Variants in PDCD4 observed in about 807,000 individuals in gnomAD.
PDCD4 encodes programmed cell death 4, also known as programmed cell death protein 4.
A neutral mutation model predicts 54.0 loss-of-function variants in PDCD4; 56 were observed. The observed-to-expected ratio is 1.04, with a 90% CI of 0.84 to 1.30. The LOEUF (loss-of-function observed/expected upper bound fraction) is 1.30. Among genes scored for constraint, PDCD4 ranks in the 50% most tolerant of loss-of-function variants. PDCD4 has a pLI of 0.00. For missense variants in PDCD4, 584 were observed against 559.8 expected (o/e 1.04, Z -0.44); for synonymous variants, 186 against 194.8 (o/e 0.95, Z 0.37).
intron 7 of PDCD4, 78 bp from the exon 8 acceptor site, chr10:110,890,478 T>C: frequency 1.5e-6 from 1 of 661,672 alleles, no homozygotes; most frequent in Non-Finnish European, 2.5e-6. Context: ...CATATAGGAT[T>C]TTGTCAGCTT....
Position 110,899,852 on chromosome 10 carries a change from T to C in PDCD4, c.*1764T>C, listed in dbSNP as rs1845942196. On this transcript the variant is annotated 3_prime_UTR_variant, in exon 12 of 12. Transcript: ENST00000280154. ...TTTTGTCATTACTGGTGGGATCTGG[T>C]CACACAAGATAGCATTAAACGTGAC... The C allele has an allele frequency of 6.6e-6, 1 of 152,056 alleles. No individual in the cohort carries two copies. The highest frequency in any genetic ancestry group is 2.1e-4 in the South Asian group (1 of 4,836). 9.4% of individuals were successfully genotyped at this position (152,056 alleles called of 1,614,324 possible).
At chr10:110,897,944 A>G in intron 11 of PDCD4, 84 bp from the exon 12 acceptor site, 1 of 977,114 alleles carries the variant, frequency 1.0e-6, no homozygotes, top group Non-Finnish European at 1.5e-6. Context: ...GTAACGAAAA[A>G]ATACCAAGTT....
At chr10:110,889,453 A>T in intron 6 of PDCD4, 80 bp from the exon 7 acceptor site, 1 of 813,348 alleles carries the variant, frequency 1.2e-6, no homozygotes, top group East Asian at 2.5e-5. Context: ...GCTAATCTTC[A>T]TCATTTATGT....
intron 4 of PDCD4, among the ~76,000 whole-genome samples, chr10:110,884,216 A>G (rs1349861774): frequency 2.0e-5 from 3 of 152,222 alleles, no homozygotes; most frequent in Non-Finnish European, 2.9e-5. Flanking sequence ...TGTATCCGCA[A>G]TGTATACACT....
At chr10:110,877,757 A>T (rs1237063882) in intron 2 of PDCD4, among the ~76,000 whole-genome samples, 1 of 152,210 alleles carries the variant, frequency 6.6e-6, no homozygotes, top group East Asian at 1.9e-4. Context: ...AATTCTTCAC[A>T]TAGCAAATAG....
Position 110,876,085 on chromosome 10 carries a change from C to T in PDCD4, c.43+15C>T, listed in dbSNP as rs769470701. The T allele has an allele frequency of 5.6e-6, 9 of 1,599,270 alleles. No homozygotes were observed. The African/African-American group carries it at 9.5e-5, about 17-fold the overall frequency. ...AAACCCTGCAGGTAAGTAAGGATAT[C>T]CTTTTTTCTTTTTTTCTTCGTTTTG... On this transcript the variant is annotated intron_variant, in intron 2 of 11. Transcript: ENST00000280154.
At chr10:110,889,391 T>A (rs1001272144) in intron 6 of PDCD4, 142 bp from the exon 7 acceptor site, 1 of 636,490 alleles carries the variant, frequency 1.6e-6, no homozygotes, top group Non-Finnish European at 2.8e-6. Context: ...CTACATAGGT[T>A]TTTTTTTAAA....
At chr10:110,876,758 G>T in intron 2 of PDCD4, 1 of 1,073,060 alleles carries the variant, frequency 9.3e-7, no homozygotes, top group Non-Finnish European at 1.3e-6. Context: ...CCAAATGTGA[G>T]TAACTCAAGA....
chr10:110,889,605 G>A lies in PDCD4; in HGVS notation c.850G>A (p.Gly284Arg). The change falls in exon 7 of 12, where the codon GGA becomes AGA. Residue 284 changes from glycine (G) to arginine (R), a missense_variant. Coordinates refer to ENST00000280154, the MANE Select transcript of PDCD4 (RefSeq NM_014456.5). ...LCNTYIDSYKGTVDCVQARAA... is the reference protein window; with the variant it reads ...LCNTYIDSYKRTVDCVQARAA... ...TAATACCTATATTGATAGTTACAAA[G>A]GAACTGTAGATTGTGTGCAGGCTAG... 6.2e-7 allele frequency: 1 copy of A among 1,600,558 alleles called. No homozygotes were observed. Among genetic ancestry groups the A allele is most frequent in the African/African-American group, 1.3e-5 (1 of 74,594 alleles).
At chr10:110,897,887 G>C (rs1845867721) in intron 11 of PDCD4, 141 bp from the exon 12 acceptor site, 1 of 488,294 alleles carries the variant, frequency 2.0e-6, no homozygotes. Flanking sequence ...AAAGGAATTA[G>C]AGGCATGCTT....
At chr10:110,873,593 C>T (rs2135183867) in intron 1 of PDCD4, among the ~76,000 whole-genome samples, 1 of 152,250 alleles carries the variant, frequency 6.6e-6, no homozygotes, top group South Asian at 2.1e-4. Context: ...ATAGTTTTCT[C>T]ATCGAAAATT....
chr10:110,873,360 T>A (rs1845451461), intron 1 of PDCD4, among the ~76,000 whole-genome samples: 1 of 152,220 alleles, frequency 6.6e-6, no homozygotes, highest in East Asian at 1.9e-4. Context: ...ATACAAGTAA[T>A]CCTAGTTAAT....
chr10:110,894,780 C>T (rs557305002), intron 10 of PDCD4, among the ~76,000 whole-genome samples: 3 of 146,238 alleles, frequency 2.1e-5, no homozygotes, highest in Admixed American at 6.8e-5. Context: ...CTCAAGGGTT[C>T]GGTTTCTAAG....
intron 6 of PDCD4, among the ~76,000 whole-genome samples, chr10:110,888,748 C>T (rs1252654784): frequency 6.6e-6 from 1 of 152,106 alleles, no homozygotes; most frequent in Non-Finnish European, 1.5e-5. Flanking sequence ...CCTGTGGCCA[C>T]ATAGTATACC....
chr10:110,885,773 C>T (rs977825051), intron 5 of PDCD4, among the ~76,000 whole-genome samples: 6 of 151,460 alleles, frequency 4.0e-5, no homozygotes, highest in South Asian at 4.2e-4. Context: ...ATTTATTTCA[C>T]GTATGTTCAG....
intron 2 of PDCD4, 35 bp downstream of exon 2, chr10:110,876,105 G>C: frequency 6.4e-7 from 1 of 1,553,578 alleles, no homozygotes; most frequent in East Asian, 2.3e-5. Context: ...TTTTTTCTTC[G>C]TTTTGAGACA....
At chr10:110,876,113 A>G in intron 2 of PDCD4, 43 bp downstream of exon 2, 1 of 1,521,636 alleles carries the variant, frequency 6.6e-7, no homozygotes, top group South Asian at 1.1e-5. Context: ...TCGTTTTGAG[A>G]CAGGATCTTG....
At position 110,887,783 on chromosome 10, in the gene PDCD4, A is replaced by T. The variant is rs770073462; in HGVS notation, c.674A>T (p.Asp225Val). 6.2e-7 allele frequency: 1 copy of T among 1,613,486 alleles called. No homozygotes were observed. The highest frequency in any genetic ancestry group is 1.7e-5 in the Admixed American group (1 of 60,012). The change falls in exon 6 of 12, where the codon GAC becomes GTC. Residue 225 changes from aspartate (D) to valine (V), a missense_variant. Coordinates refer to ENST00000280154, the MANE Select transcript of PDCD4 (RefSeq NM_014456.5). ...GAGATGACATCTAAGCTTCTTTCTG[A>T]CCTTTGTGGGACAGTAATGAGCACA... ...HREMTSKLLS[D>V]LCGTVMSTTD...
intron 8 of PDCD4, among the ~76,000 whole-genome samples, chr10:110,892,763 GTTTA>G (rs1388211189): frequency 2.0e-5 from 3 of 152,220 alleles, no homozygotes; most frequent in Middle Eastern, 3.4e-3. Flanking sequence ...AGTATACAGT[GTTTA>G]TAAAGTGCAT....
Sources: allele counts gnomAD v4.1 joint callset (sites outside exome capture counted in the v4.1 genomes callset), GRCh38; gene constraint gnomAD v4.1.1; transcripts MANE v1.5; gene names NCBI Gene and HGNC (gene_info 2026-07-23, HGNC 2026-07-21).